The following IL17RE variants were observed in gnomAD, a reference collection of about 807,000 sequenced individuals.
IL17RE encodes the protein interleukin 17 receptor E.
Under a neutral mutation model 70.7 loss-of-function variants are expected in IL17RE, and 47 were observed. The ratio of observed to expected loss-of-function variants is 0.67; its 90% CI spans 0.53 to 0.85. The LOEUF (loss-of-function observed/expected upper bound fraction) is 0.85. IL17RE is among the 40% of genes least tolerant of loss of function. The pLI is 0.00. For missense variants in IL17RE, 850 were observed against 893.9 expected (o/e 0.95, Z 0.63); for synonymous variants, 372 against 381.2 (o/e 0.98, Z 0.28).
At chr3:9,907,178 A>T in intron 6 of IL17RE, 78 bp downstream of exon 6, 7 of 1,563,724 alleles carry the variant, frequency 4.5e-6, no homozygotes, top group Non-Finnish European at 6.1e-6. Flanking sequence ...ACAAATGAGG[A>T]AACTGAGGCC....
In IL17RE at chr3:9,915,747, C is replaced by A. The variant is rs2083038276; in HGVS notation, c.1944C>A (p.Ser648Arg). Residue 648 changes from serine to arginine, a missense_variant, in exon 16 of 16, where the codon AGC becomes AGA. Ser to Arg is a moderately radical substitution (Grantham distance 110). Transcript: ENST00000383814. The surrounding 1 kb of genome is among the most constrained non-coding windows in gnomAD (Gnocchi z 4.9). ...TTGGGGCGCGGCAGCGCAGGCAGAG[C>A]CGCCTAGAGCTGTGCAGCCGGCTCG... ...GRLGARQRRQ[S>R]RLELCSRLER... The A allele has an allele frequency of 6.8e-7, 1 of 1,479,338 alleles. No homozygotes were observed. The highest frequency in any genetic ancestry group is 8.9e-7 in the Non-Finnish European group (1 of 1,128,060). 91.6% of individuals were successfully genotyped at this position (1,479,338 alleles called of 1,614,324 possible).
chr3:9,905,055 ACTGCACTCCAGCCTGGATGACAGTGTG>A (rs1334978663), intron 3 of IL17RE, among the ~76,000 whole-genome samples: 9 of 137,166 alleles, frequency 6.6e-5, no homozygotes, highest in Non-Finnish European at 1.4e-4. Flanking sequence ...AGATAGCGCC[ACTGCACTCCAGCCTGGATGACAGTGTG>A]AGACCCTGTC....
In IL17RE at chr3:9,911,241, C is replaced by A; in HGVS notation, c.1027-14C>A. The stretch of plus-strand genomic sequence containing the variant: ...GCCTGGAGCTTGCTAATCTGCCATT[C>A]CTGTATTTCTCAGTTCTCTTTTGGA... On this transcript the variant is annotated splice_polypyrimidine_tract_variant and intron_variant, in intron 10 of 15. Transcript: ENST00000383814. 1 of 1,614,172 alleles carries A rather than the reference C, an allele frequency of 6.2e-7. No individual in the cohort carries two copies. The highest frequency in any genetic ancestry group is 8.5e-7 in the Non-Finnish European group (1 of 1,180,020).
At chr3:9,914,823 G>A (rs367865658) in intron 15 of IL17RE, 46 bp downstream of exon 15, 150 of 1,483,672 alleles carry the variant, frequency 1.0e-4, no homozygotes, top group Non-Finnish European at 1.3e-4. Flanking sequence ...TGCCCAGCTC[G>A]GAGACTAGCT....
chr3:9,903,160 C>G (rs1346906458), intron 1 of IL17RE, 96 bp downstream of exon 1: 1 of 1,197,796 alleles, frequency 8.3e-7, no homozygotes, highest in Non-Finnish European at 1.2e-6. Flanking sequence ...AGTCCCTGTG[C>G]TCTGGTGGCA....
chr3:9,907,345 T>C (rs564907939), intron 6 of IL17RE, among the ~76,000 whole-genome samples: 1 of 152,054 alleles, frequency 6.6e-6, no homozygotes, highest in African/African-American at 2.4e-5. Flanking sequence ...TAAAACCAGC[T>C]TGGGCAACAT....
At chr3:9,911,067 G>C (rs774638428) in intron 9 of IL17RE, 27 bp downstream of exon 9, 2 of 1,614,106 alleles carry the variant, frequency 1.2e-6, no homozygotes, top group Non-Finnish European at 1.7e-6. Context: ...CCAGGACCAG[G>C]GTGGGCAGGG....
intron 11 of IL17RE, 32 bp downstream of exon 11, chr3:9,911,332 C>A (rs2082886531): frequency 1.2e-6 from 2 of 1,613,772 alleles, no homozygotes; most frequent in South Asian, 2.2e-5. Flanking sequence ...GCTGGGACCC[C>A]CTGCCCCATT....
intron 6 of IL17RE, among the ~76,000 whole-genome samples, chr3:9,907,762 G>A (rs543265279): frequency 1.3e-5 from 2 of 152,272 alleles, no homozygotes; most frequent in Admixed American, 6.5e-5. Context: ...CACTCAGAGA[G>A]TGATATGTCT....
rs1355467953 is a variant in IL17RE, at chr3:9,915,443, G to A, written c.1640G>A (p.Arg547His). The change falls in exon 16 of 16, where the codon CGC becomes CAC. Residue 547 changes from arginine to histidine, a missense_variant. Physicochemically the swap from Arg to His is conservative, Grantham distance 29. Transcript: ENST00000383814. The surrounding 1 kb of genome is among the most constrained non-coding windows in gnomAD (Gnocchi z 4.9). The stretch of plus-strand genomic sequence containing the variant: ...CCGTGGCTCTGGGCGGCGCGGACGC[G>A]CGTAGCGCGGGAGCAGGGCACTGTG... Reference protein sequence around the residue: ...PLPWLWAARTRVAREQGTVLL... With the variant: ...PLPWLWAARTHVAREQGTVLL... 1.5e-6 allele frequency: 2 copies of A among 1,352,510 alleles called. No homozygotes were observed. The highest frequency in any genetic ancestry group is 1.9e-6 in the Non-Finnish European group (2 of 1,060,852). The allele number at this position is 1,352,510 out of a possible 1,614,324, so 83.8% of individuals were successfully genotyped here.
chr3:9,915,207 G>C lies in IL17RE; in HGVS notation c.1448-44G>C. ...AGGGTGGGGAGAAGAGGGCTGAGCA[G>C]TCCCTCAGCCGCCCAGCCTTCATCT... On this transcript the variant is annotated intron_variant, in intron 15 of 15. Transcript: ENST00000383814. The surrounding 1 kb of genome is among the most constrained non-coding windows in gnomAD (Gnocchi z 4.9). The C allele has an allele frequency of 7.3e-7, 1 of 1,366,650 alleles. No homozygotes were observed. Among genetic ancestry groups the C allele is most frequent in the Non-Finnish European group, 9.4e-7 (1 of 1,064,668 alleles). The allele number at this position is 1,366,650 out of a possible 1,614,324, so 84.7% of individuals were successfully genotyped here. A position where few individuals can be genotyped will look rare whatever the true frequency, so the allele number is the denominator to read the frequency against.
Position 9,915,343 on chromosome 3 carries a change from G to A in IL17RE, c.1540G>A (p.Ala514Thr), listed in dbSNP as rs756390309. The change falls in exon 16 of 16, where the codon GCA becomes ACA. Residue 514 changes from alanine (A) to threonine (T), a missense_variant. Ala to Thr is a moderately conservative substitution (Grantham distance 58). Transcript: ENST00000383814. The surrounding 1 kb of genome is among the most constrained non-coding windows in gnomAD (Gnocchi z 4.9). ...LVGALAELLR[A>T]ALGGGRDVIV... Reference sequence around the variant, plus strand: ...GGGAGCGCTGGCTGAACTGCTACGGGCAGCGCTGGGCGGCGGGCGCGACGT... The same window carrying A: ...GGGAGCGCTGGCTGAACTGCTACGGACAGCGCTGGGCGGCGGGCGCGACGT... 16 of 1,374,138 alleles carry A rather than the reference G, an allele frequency of 1.2e-5. No individual in the cohort carries two copies. In the African/African-American group the frequency reaches 2.4e-4, roughly 21 times the overall value. 85.1% of individuals were successfully genotyped at this position (1,374,138 alleles called of 1,614,324 possible). A position where few individuals can be genotyped will look rare whatever the true frequency, so the allele number is the denominator to read the frequency against.
rs751466637 is a variant in IL17RE at position 9,907,008 on chromosome 3, G to T, written c.574G>T (p.Val192Leu). 19 of 1,614,070 alleles carry T rather than the reference G, an allele frequency of 1.2e-5. No individual in the cohort carries two copies. The highest frequency in any genetic ancestry group is 1.4e-5 in the Non-Finnish European group (17 of 1,180,052). Reference sequence around the variant, plus strand: ...GCTGCCTGAGGCCCGGGCTATTCGGGTGACCATATCTTCAGGCCCTGAGGT... The same window carrying T: ...GCTGCCTGAGGCCCGGGCTATTCGGTTGACCATATCTTCAGGCCCTGAGGT... ...DLLPEARAIR[V>L]TISSGPEVSV... Residue 192 changes from valine to leucine, a missense_variant, in exon 6 of 16, where the codon GTG becomes TTG. By Grantham distance (32) the Val-to-Leu change is conservative (BLOSUM62 1). Transcript: ENST00000383814.
chr3:9,911,933 C>G (rs1176187732), intron 12 of IL17RE: 1 of 186,184 alleles, frequency 5.4e-6, no homozygotes, highest in Non-Finnish European at 1.1e-5. Flanking sequence ...ACAGGAATAA[C>G]AGAGGCAAGG....
rs71626946 is a variant in IL17RE at position 9,905,094 on chromosome 3, C to CAAA, written c.268+966_268+968dup. 5.3e-3 allele frequency among the ~76,000 whole-genome samples: 294 copies of CAAA among 55,864 alleles called. 13 individuals are homozygous for CAAA. Among genetic ancestry groups the CAAA allele is most frequent in the African/African-American group, 0.015 (214 of 14,086 alleles). The allele number at this position is 55,864 out of a possible 152,430, so 36.6% of individuals were successfully genotyped here. ...TGGATGACAGTGTGAGACCCTGTCT[C>CAAA]AAAAAAAAAAAAAAAAAAAAAAAAA... On this transcript the variant is annotated intron_variant, in intron 3 of 15. Transcript: ENST00000383814.
chr3:9,906,379 T>C lies in IL17RE; in HGVS notation c.284T>C (p.Leu95Pro), dbSNP rs548979458. The C allele has an allele frequency of 2.8e-5, 45 of 1,613,714 alleles. No homozygotes were observed. In the South Asian group the frequency reaches 4.1e-4, roughly 15 times the overall value. ...CCCTGCACAGGTCTTCAACGGGGCC[T>C]CTTCCACCTCCTGGTGCAGAAATCC... ...LSGGSGLQRG[L>P]FHLLVQKSKK... The change falls in exon 4 of 16, where the codon CTC (leucine) becomes CCC (proline). Residue 95 changes from leucine to proline, a missense_variant. Physicochemically the swap from Leu to Pro is moderately conservative, Grantham distance 98. Transcript: ENST00000383814.
In IL17RE at chr3:9,915,748, C is replaced by G. The variant is rs1447962567; in HGVS notation, c.1945C>G (p.Arg649Gly). Residue 649 changes from arginine (R) to glycine (G), a missense_variant, in exon 16 of 16, where the codon CGC becomes GGC. Physicochemically the swap from Arg to Gly is moderately radical, Grantham distance 125. Coordinates refer to ENST00000383814, the MANE Select transcript of IL17RE (RefSeq NM_153480.2). This position sits in a 1 kb window ranked among gnomAD's most constrained non-coding sequence, Gnocchi z 4.9. ...TGGGGCGCGGCAGCGCAGGCAGAGCCGCCTAGAGCTGTGCAGCCGGCTCGA... is the reference window on the plus strand; with the variant it reads ...TGGGGCGCGGCAGCGCAGGCAGAGCGGCCTAGAGCTGTGCAGCCGGCTCGA... ...RLGARQRRQSRLELCSRLERE... is the reference protein window; with the variant it reads ...RLGARQRRQSGLELCSRLERE... The G allele has an allele frequency of 4.0e-6, 6 of 1,483,778 alleles. No individual in the cohort carries two copies. In the East Asian group the frequency reaches 8.2e-5, roughly 20 times the overall value. The allele number at this position is 1,483,778 out of a possible 1,614,324, so 91.9% of individuals were successfully genotyped here.
rs2082989250 is a variant in IL17RE, at chr3:9,915,144, G to A, written c.1448-107G>A. On this transcript the variant is annotated intron_variant, in intron 15 of 15. Transcript: ENST00000383814. The surrounding 1 kb of genome is among the most constrained non-coding windows in gnomAD (Gnocchi z 4.9). ...CCCCCAGAGCAAATAAGGGGCGGGG[G>A]CGGGGGCGGAGAGGCGAGCACCCTA... 6 of 1,323,688 alleles carry A rather than the reference G, an allele frequency of 4.5e-6. No homozygotes were observed. The highest frequency in any genetic ancestry group is 3.0e-5 in the East Asian group (1 of 33,474). The allele number at this position is 1,323,688 out of a possible 1,614,324, so 82.0% of individuals were successfully genotyped here. A position where few individuals can be genotyped will look rare whatever the true frequency, so the allele number is the denominator to read the frequency against.
intron 12 of IL17RE, 25 bp from the exon 13 acceptor site, chr3:9,913,931 G>C: frequency 6.2e-7 from 1 of 1,603,252 alleles, no homozygotes; most frequent in Non-Finnish European, 8.5e-7. Flanking sequence ...CCTGGGGACA[G>C]CCTTTCTGCT....
Sources: allele counts gnomAD v4.1 joint callset (sites outside exome capture counted in the v4.1 genomes callset), GRCh38; gene constraint gnomAD v4.1.1; non-coding constraint Gnocchi (gnomAD v3.1); transcripts MANE v1.5; gene names NCBI Gene and HGNC (gene_info 2026-07-23, HGNC 2026-07-21).